RABGAP1: variants seen among roughly 807,000 people sequenced by gnomAD.
RABGAP1 encodes RAB GTPase activating protein 1, also known as rab GTPase-activating protein 1.
RABGAP1 carries 23 observed loss-of-function variants against 137.6 expected under a neutral mutation model. The ratio of observed to expected loss-of-function variants is 0.17; its 90% CI spans 0.12 to 0.24. The LOEUF (loss-of-function observed/expected upper bound fraction) is 0.24, where lower values mean the gene tolerates loss of function less well. Among genes scored for constraint, RABGAP1 ranks in the 10% least tolerant of loss-of-function variants. The pLI is 1.00. For missense variants in RABGAP1, 906 were observed against 1,275.8 expected, an observed-to-expected ratio of 0.71 and a Z score of 4.42; for synonymous variants, 451 against 450.7, an observed-to-expected ratio of 1.00 and a Z score of -0.01.
chr9:123,045,384 G>A (rs1212288561), intron 13 of RABGAP1, among the ~76,000 whole-genome samples: 2 of 152,114 alleles, frequency 1.3e-5, no homozygotes, highest in African/African-American at 2.4e-5. Context: ...TCAGACTAAA[G>A]CCTTTTTTCA....
intron 19 of RABGAP1, among the ~76,000 whole-genome samples, chr9:123,080,763 G>T (rs531869888): frequency 6.6e-6 from 1 of 152,228 alleles, no homozygotes; most frequent in South Asian, 2.1e-4. Context: ...ACTTTTTCAT[G>T]TGGAATTTAC....
intron 2 of RABGAP1, among the ~76,000 whole-genome samples, chr9:122,976,192 A>G (rs1005256218): frequency 1.3e-5 from 2 of 149,430 alleles, no homozygotes; most frequent in African/African-American, 5.2e-5. Context: ...GCTAAATGCT[A>G]AATTGGCCTT....
In RABGAP1 at chr9:123,103,337, C is replaced by T; in HGVS notation, c.*124C>T. On this transcript the variant is annotated 3_prime_UTR_variant, in exon 26 of 26. Coordinates refer to ENST00000373647, the MANE Select transcript of RABGAP1 (RefSeq NM_012197.4). ...TGTACCTAAGTCAGATCCATAGACG[C>T]ATGTTGGTAGGTCACTGGACCAGAG... 1.4e-6 allele frequency: 2 copies of T among 1,434,154 alleles called. No individual in the cohort carries two copies. The highest frequency in any genetic ancestry group is 1.9e-6 in the Non-Finnish European group (2 of 1,063,834). 88.8% of individuals were successfully genotyped at this position (1,434,154 alleles called of 1,614,324 possible).
chr9:123,056,482 T>C (rs1302284198), intron 13 of RABGAP1, among the ~76,000 whole-genome samples: 2 of 133,544 alleles, frequency 1.5e-5, no homozygotes, highest in African/African-American at 2.9e-5. Flanking sequence ...TTCTTTTTTC[T>C]TTTTTTTTTT....
Position 122,990,096 on chromosome 9 carries a change from G to T in RABGAP1, c.806G>T (p.Arg269Leu). ...TACAGTTTTGCCACTGCCTTCCGCC[G>T]TTCTGCCAAGCAGACCCCACTTTCA... ...ILYSFATAFR[R>L]SAKQTPLSAT... is the part of the protein sequence containing the mutation. The change falls in exon 6 of 26, where the codon CGT becomes CTT. Residue 269 changes from arginine (R) to leucine (L), a missense_variant. Around this residue, in one of 9 missense-constraint regions of RABGAP1, gnomAD observed 331 missense variants for 358.3 expected, o/e 0.92. Coordinates refer to ENST00000373647, the MANE Select transcript of RABGAP1 (RefSeq NM_012197.4). 2 of 1,610,518 alleles carry T rather than the reference G, an allele frequency of 1.2e-6. No individual in the cohort carries two copies. Among genetic ancestry groups the T allele is most frequent in the Non-Finnish European group, 1.7e-6 (2 of 1,177,088 alleles).
At chr9:123,093,464 C>T (rs2035090140) in intron 21 of RABGAP1, among the ~76,000 whole-genome samples, 1 of 152,246 alleles carries the variant, frequency 6.6e-6, no homozygotes, top group Non-Finnish European at 1.5e-5. Context: ...TGTGTTGAGA[C>T]AGACATGAGA....
chr9:123,009,726 A>G (rs2030627284), intron 10 of RABGAP1, among the ~76,000 whole-genome samples: 1 of 152,186 alleles, frequency 6.6e-6, no homozygotes, highest in African/African-American at 2.4e-5. Flanking sequence ...CTAAAATACA[A>G]TCAGTTGGAG....
intron 2 of RABGAP1, 32 bp downstream of exon 2, chr9:122,957,241 TA>T (rs1375175583): frequency 6.8e-7 from 1 of 1,470,280 alleles, no homozygotes; most frequent in East Asian, 2.3e-5. Context: ...TTGTTTTGCT[TA>T]GCTTTTCTAA....
At chr9:123,079,715 G>GTC (rs1356296797) in intron 19 of RABGAP1, among the ~76,000 whole-genome samples, 1 of 152,034 alleles carries the variant, frequency 6.6e-6, no homozygotes, top group Non-Finnish European at 1.5e-5. Flanking sequence ...GCACTGGTCA[G>GTC]TCTCTCTGCT....
At chr9:122,993,412 T>C (rs1383898699) in intron 6 of RABGAP1, among the ~76,000 whole-genome samples, 2 of 152,048 alleles carry the variant, frequency 1.3e-5, no homozygotes, top group East Asian at 1.9e-4. Flanking sequence ...GCTGGAATTA[T>C]AGGTGCCCAC....
At chr9:123,029,697 G>C (rs2032191865) in intron 13 of RABGAP1, 1 of 669,704 alleles carries the variant, frequency 1.5e-6, no homozygotes, top group Non-Finnish European at 2.9e-6. Flanking sequence ...CTGGGTCTTT[G>C]TCTTTCTTGG....
At chr9:123,010,564 G>A in intron 11 of RABGAP1, 36 bp downstream of exon 11, 1 of 1,568,590 alleles carries the variant, frequency 6.4e-7, no homozygotes, top group Admixed American at 1.7e-5. Context: ...ATTTTTGGGG[G>A]TGGAAGACCA....
At chr9:123,029,653 T>A in intron 13 of RABGAP1, 2 of 713,130 alleles carry the variant, frequency 2.8e-6, no homozygotes, top group East Asian at 3.0e-5. Context: ...TTTGGACCAT[T>A]TCTTCTTTTT....
chr9:123,000,983 C>T (rs1837296813), intron 10 of RABGAP1, among the ~76,000 whole-genome samples: 1 of 152,128 alleles, frequency 6.6e-6, no homozygotes, highest in Non-Finnish European at 1.5e-5. Context: ...AGCCAAAGTG[C>T]TGGGATAACA....
chr9:123,050,647 A>G (rs1246809537), intron 13 of RABGAP1, among the ~76,000 whole-genome samples: 2 of 152,220 alleles, frequency 1.3e-5, no homozygotes, highest in Non-Finnish European at 1.5e-5. Flanking sequence ...CTATTTCTAT[A>G]ATTCTTACTG....
intron 2 of RABGAP1, among the ~76,000 whole-genome samples, chr9:122,965,488 T>C (rs1178880714): frequency 9.2e-5 from 14 of 151,682 alleles, no homozygotes; most frequent in Admixed American, 9.2e-4. Context: ...GGTTCAAGAG[T>C]TTCTCCTGCC....
At chr9:123,057,382 G>C (rs1405481770) in intron 13 of RABGAP1, among the ~76,000 whole-genome samples, 2 of 150,884 alleles carry the variant, frequency 1.3e-5, no homozygotes, top group African/African-American at 4.9e-5. Flanking sequence ...ACGGGGTTGC[G>C]GCCGGGCAGA....
intron 13 of RABGAP1, among the ~76,000 whole-genome samples, chr9:123,027,275 C>G (rs2032032608): frequency 6.6e-6 from 1 of 151,950 alleles, no homozygotes; most frequent in Non-Finnish European, 1.5e-5. Context: ...GCCACCATGC[C>G]CAGCTAATTT....
Position 122,957,104 on chromosome 9 carries a change from C to A in RABGAP1, c.45C>A (p.Asp15Glu). 1 of 1,549,156 alleles carries A rather than the reference C, an allele frequency of 6.5e-7. No individual in the cohort carries two copies. Among genetic ancestry groups the A allele is most frequent in the Non-Finnish European group, 8.8e-7 (1 of 1,135,448 alleles). ...ASVGKISVSS[D>E]SVSTLNSEDF... ...TTGGAAAAATCAGTGTCTCTTCAGA[C>A]TCAGTATCTACTCTTAATAGTGAAG... Residue 15 changes from aspartate to glutamate, a missense_variant, in exon 2 of 26, where the codon GAC becomes GAA. This residue lies in a region of RABGAP1 where 331 missense variants were observed against 358.3 expected (regional missense o/e 0.92). Coordinates refer to ENST00000373647, the MANE Select transcript of RABGAP1 (RefSeq NM_012197.4).
Sources: allele counts gnomAD v4.1 joint callset (sites outside exome capture counted in the v4.1 genomes callset), GRCh38; gene constraint gnomAD v4.1.1; regional missense constraint gnomAD v4.1.1; transcripts MANE v1.5; gene names NCBI Gene and HGNC (gene_info 2026-07-23, HGNC 2026-07-21).